The following TRIQK variants were observed in gnomAD, a reference collection of about 807,000 sequenced individuals.
The protein encoded by TRIQK is triple QxxK/R motif containing.
TRIQK carries 10 observed loss-of-function variants against 10.8 expected under a neutral mutation model. The ratio of observed to expected loss-of-function variants is 0.92; its 90% CI spans 0.57 to 1.57. TRIQK has a LOEUF of 1.57. TRIQK is among the 40% of genes most tolerant of loss of function. The pLI, the probability that TRIQK is intolerant of heterozygous loss-of-function variation, is 0.00. For missense variants in TRIQK, 107 were observed against 97.7 expected, an observed-to-expected ratio of 1.09 and a Z score of -0.40; for synonymous variants, 33 against 33.7, an observed-to-expected ratio of 0.98 and a Z score of 0.07.
intron 1 of TRIQK, chr8:92,965,781 G>A (rs16915402): frequency 0.065 from 9,982 of 152,588 alleles, 637 homozygotes; most frequent in African/African-American, 0.16. Flanking sequence ...TACTCAACGG[G>A]AACGGGTCCT....
chr8:92,895,209 G>A (rs1808529888), intron 3 of TRIQK, among the ~76,000 whole-genome samples: 1 of 152,110 alleles, frequency 6.6e-6, no homozygotes, highest in Non-Finnish European at 1.5e-5. Context: ...CAAGGCCCTT[G>A]CCAGAGGCAG....
intron 2 of TRIQK, among the ~76,000 whole-genome samples, chr8:92,952,418 A>AACACACACACACACACACAC (rs143129049): frequency 5.4e-4 from 80 of 148,194 alleles, no homozygotes; most frequent in African/African-American, 1.9e-3. Context: ...ACAAAGATAA[A>AACACACACACACACACACAC]ACACACACAC....
chr8:92,915,059 A>G lies in TRIQK; in HGVS notation c.61+1870T>C, dbSNP rs531639108. The stretch of plus-strand genomic sequence containing the variant: ...AGGAGGTCCTGCCATTTGGGAAAAC[A>G]TGGATGAAATTGGAGGACATTATGC... On this transcript the variant is annotated intron_variant, in intron 3 of 4. Coordinates refer to ENST00000521988, the MANE Select transcript of TRIQK (RefSeq NM_001171797.2). Among the ~76,000 whole-genome samples, 6 of 152,192 alleles carry G rather than the reference A, an allele frequency of 3.9e-5. 1 individual carries two copies. In the South Asian group the frequency reaches 8.3e-4, roughly 21 times the overall value.
chr8:92,969,268 A>C (rs147018779), upstream of TRIQK, among the ~76,000 whole-genome samples: 192 of 152,196 alleles, frequency 1.3e-3, 2 homozygotes, highest in South Asian at 0.015. Context: ...TTTCTTGGCT[A>C]TATGGGCTCT....
intron 3 of TRIQK, among the ~76,000 whole-genome samples, chr8:92,895,100 G>A (rs1054514952): frequency 3.9e-5 from 6 of 152,164 alleles, no homozygotes; most frequent in Admixed American, 2.0e-4. Flanking sequence ...TATCATAGAA[G>A]TTAGTTCATA....
At chr8:92,994,627 G>C (rs752007392) in intron 1 of TRIQK, among the ~76,000 whole-genome samples, 2 of 151,008 alleles carry the variant, frequency 1.3e-5, no homozygotes, top group Non-Finnish European at 3.0e-5. Context: ...ACTTATTCCA[G>C]TTTTAACTTT....
chr8:93,002,949 AAGAAG>A (rs1450476483), intron 1 of TRIQK, among the ~76,000 whole-genome samples: 1 of 151,962 alleles, frequency 6.6e-6, no homozygotes, highest in East Asian at 1.9e-4. Context: ...ATTAATTGAA[AAGAAG>A]AGAATACTTC....
chr8:92,966,194 T>A (rs1008081987), upstream of TRIQK: 18 of 152,228 alleles, frequency 1.2e-4, no homozygotes, highest in Non-Finnish European at 2.5e-4. Context: ...TGCTCTCGGA[T>A]TGGTCGGCCT....
chr8:92,923,129 C>T (rs1412838011), intron 2 of TRIQK, among the ~76,000 whole-genome samples: 2 of 151,716 alleles, frequency 1.3e-5, no homozygotes, highest in Non-Finnish European at 3.0e-5. Flanking sequence ...CTGTATGATG[C>T]AAACTGTCAA....
chr8:92,958,358 C>G (rs150597045), intron 1 of TRIQK, among the ~76,000 whole-genome samples: 1 of 151,992 alleles, frequency 6.6e-6, no homozygotes, highest in Non-Finnish European at 1.5e-5. Context: ...GTCACCTATA[C>G]CTGCTGGACA....
At chr8:92,930,204 AC>A (rs945637499) in intron 2 of TRIQK, among the ~76,000 whole-genome samples, 2 of 149,074 alleles carry the variant, frequency 1.3e-5, no homozygotes, top group Non-Finnish European at 3.0e-5. Context: ...ATGGTGAAAC[AC>A]CCCCCCACCC....
At chr8:92,928,323 C>T (rs1367592635) in intron 2 of TRIQK, among the ~76,000 whole-genome samples, 1 of 152,102 alleles carries the variant, frequency 6.6e-6, no homozygotes, top group East Asian at 1.9e-4. Flanking sequence ...CCCCATCCCT[C>T]CAGGAAAGGT....
At chr8:93,003,510 G>A (rs1277254729) in intron 1 of TRIQK, among the ~76,000 whole-genome samples, 1 of 151,408 alleles carries the variant, frequency 6.6e-6, no homozygotes, top group Non-Finnish European at 1.5e-5. Flanking sequence ...AGATTTGGGT[G>A]GGACACAGAG....
intron 1 of TRIQK, among the ~76,000 whole-genome samples, chr8:92,986,170 G>T (rs1034357660): frequency 1.3e-4 from 20 of 152,038 alleles, no homozygotes; most frequent in African/African-American, 4.8e-4. Flanking sequence ...CCAGAATCGA[G>T]TATAACTTCA....
At chr8:92,964,450 G>GTATATA (rs1394138221) in intron 1 of TRIQK, among the ~76,000 whole-genome samples, 6 of 127,358 alleles carry the variant, frequency 4.7e-5, no homozygotes, top group African/African-American at 1.6e-4. Flanking sequence ...ATCTTTTCAG[G>GTATATA]TATATATATA....
intron 1 of TRIQK, among the ~76,000 whole-genome samples, chr8:93,005,818 A>C (rs962705050): frequency 1.1e-4 from 17 of 152,118 alleles, no homozygotes; most frequent in African/African-American, 4.1e-4. Context: ...GAAATCAGAC[A>C]GGAGAATGAA....
intron 3 of TRIQK, among the ~76,000 whole-genome samples, chr8:92,903,713 CT>C (rs1809082398): frequency 6.6e-6 from 1 of 152,036 alleles, no homozygotes. Flanking sequence ...TCATATTTAA[CT>C]ATTTATTTGT....
rs1401906365 is a variant in TRIQK at position 92,883,675 on chromosome 8, A to C, written c.*2947T>G. On this transcript the variant is annotated 3_prime_UTR_variant, in exon 5 of 5. Coordinates refer to ENST00000521988, the MANE Select transcript of TRIQK (RefSeq NM_001171797.2). Reference sequence around the variant, plus strand: ...CATTTATTAAATTTATATGCAGATGACTACACTACTGCAATTACAGAAATG... The same window carrying C: ...CATTTATTAAATTTATATGCAGATGCCTACACTACTGCAATTACAGAAATG... The C allele has an allele frequency of 6.6e-6, 1 of 151,810 alleles. No individual in the cohort carries two copies. Among genetic ancestry groups the C allele is most frequent in the Non-Finnish European group, 1.5e-5 (1 of 67,832 alleles). The allele number at this position is 151,810 out of a possible 1,614,324, so 9.4% of individuals were successfully genotyped here. A position where few individuals can be genotyped will look rare whatever the true frequency, so the allele number is the denominator to read the frequency against.
intron 1 of TRIQK, chr8:92,973,365 G>A (rs1258086481): frequency 6.6e-6 from 1 of 152,148 alleles, no homozygotes; most frequent in African/African-American, 2.4e-5. Context: ...CACTTATGAT[G>A]AAAAATTTTA....
Sources: allele counts gnomAD v4.1 joint callset (sites outside exome capture counted in the v4.1 genomes callset), GRCh38; gene constraint gnomAD v4.1.1; transcripts MANE v1.5; gene names NCBI Gene and HGNC (gene_info 2026-07-23, HGNC 2026-07-21).